FRMD4B: variants seen among roughly 807,000 people sequenced by gnomAD.
The protein encoded by FRMD4B is FERM domain containing 4B.
FRMD4B carries 74 observed loss-of-function variants against 141.5 expected under a neutral mutation model. The observed-to-expected ratio is 0.52, with a 90% confidence interval of 0.43 to 0.63. The LOEUF is 0.63. Ranked by LOEUF, FRMD4B falls within the 30% of genes least tolerant of loss-of-function variation. FRMD4B has a pLI of 0.00. For synonymous variants in FRMD4B, 506 were observed against 467.9 expected (o/e 1.08, Z -1.05); for missense variants, 1,366 against 1,253.4 (o/e 1.09, Z -1.36).
At chr3:69,532,836 T>C (rs892985941) in intron 1 of FRMD4B, among the ~76,000 whole-genome samples, 3 of 152,148 alleles carry the variant, frequency 2.0e-5, no homozygotes, top group Non-Finnish European at 4.4e-5. Flanking sequence ...CATTGTTGGG[T>C]CCCCCACTGA....
At chr3:69,452,150 A>G (rs1705511483) in intron 1 of FRMD4B, among the ~76,000 whole-genome samples, 1 of 152,280 alleles carries the variant, frequency 6.6e-6, no homozygotes, top group African/African-American at 2.4e-5. Flanking sequence ...ATTATTTACT[A>G]AGTGCCAGCC....
At chr3:69,275,104 T>G (rs963413684) in intron 5 of FRMD4B, among the ~76,000 whole-genome samples, 1 of 152,178 alleles carries the variant, frequency 6.6e-6, no homozygotes, top group Non-Finnish European at 1.5e-5. Context: ...GTAACAAAAC[T>G]GATTTCAACC....
At chr3:69,460,126 A>C in intron 1 of FRMD4B, among the ~76,000 whole-genome samples, 1 of 152,142 alleles carries the variant, frequency 6.6e-6, no homozygotes, top group East Asian at 1.9e-4. Context: ...TCCATCACAC[A>C]TGTCTATCAA....
intron 5 of FRMD4B, among the ~76,000 whole-genome samples, chr3:69,263,975 A>C (rs11706974): frequency 0.21 from 31,500 of 150,426 alleles, 3,509 homozygotes; most frequent in Non-Finnish European, 0.25. Flanking sequence ...ACAGGCACAC[A>C]CCCCCAAGCC....
intron 13 of FRMD4B, 185 bp from the exon 14 acceptor site, chr3:69,196,581 T>A: frequency 1.7e-6 from 1 of 596,248 alleles, no homozygotes. Context: ...TTAAAATGTT[T>A]TAATAACTAT....
Position 69,273,875 on chromosome 3 carries a change from T to C in FRMD4B, c.501+13877A>G, listed in dbSNP as rs142974112. Among the ~76,000 whole-genome samples, 23 of 150,490 alleles carry C rather than the reference T, an allele frequency of 1.5e-4. No homozygotes were observed. In the East Asian group the frequency reaches 4.5e-3, roughly 29 times the overall value. On this transcript the variant is annotated intron_variant, in intron 5 of 22. Transcript: ENST00000398540. ...AAGTATTTAAAGGGTGTTTTGGAGG[T>C]TGAAAGAATTTAACTCCCTGTAGGA...
At chr3:69,480,058 C>T (rs942370899) in intron 1 of FRMD4B, among the ~76,000 whole-genome samples, 1 of 152,202 alleles carries the variant, frequency 6.6e-6, no homozygotes, top group Non-Finnish European at 1.5e-5. Context: ...TCAGGTCCAT[C>T]AGCTCCTTTA....
intron 5 of FRMD4B, among the ~76,000 whole-genome samples, chr3:69,271,515 G>A (rs1247244259): frequency 6.6e-6 from 1 of 152,160 alleles, no homozygotes; most frequent in African/African-American, 2.4e-5. Context: ...GGTATAACGA[G>A]CTATTATTAG....
At chr3:69,389,586 TACTGACATAAAC>T (rs1704338061), upstream of FRMD4B, among the ~76,000 whole-genome samples, 1 of 152,236 alleles carries the variant, frequency 6.6e-6, no homozygotes. Flanking sequence ...ATCTTATTTC[TACTGACATAAAC>T]ACTGATGCTT....
chr3:69,326,232 T>C (rs755204083), intron 1 of FRMD4B, among the ~76,000 whole-genome samples: 1 of 151,814 alleles, frequency 6.6e-6, no homozygotes, highest in Non-Finnish European at 1.5e-5. Flanking sequence ...GCTGGGATTA[T>C]AGGCATAAGC....
At chr3:69,332,638 G>A (rs187431961) in intron 1 of FRMD4B, among the ~76,000 whole-genome samples, 10 of 151,908 alleles carry the variant, frequency 6.6e-5, no homozygotes, top group Admixed American at 5.9e-4. Flanking sequence ...GTGCAGTGGC[G>A]TGATCATGAC....
intron 1 of FRMD4B, among the ~76,000 whole-genome samples, chr3:69,484,850 C>T (rs1706186730): frequency 6.6e-6 from 1 of 152,106 alleles, no homozygotes; most frequent in African/African-American, 2.4e-5. Context: ...GAAGTATGTG[C>T]TAACTCGTCC....
intron 2 of FRMD4B, among the ~76,000 whole-genome samples, chr3:69,417,239 C>A (rs1219270131): frequency 2.0e-5 from 3 of 152,190 alleles, no homozygotes; most frequent in African/African-American, 7.2e-5. Context: ...TTAACGATCA[C>A]CATTCTAACT....
intron 1 of FRMD4B, among the ~76,000 whole-genome samples, chr3:69,487,648 T>TG (rs1263271063): frequency 6.6e-6 from 1 of 152,210 alleles, no homozygotes; most frequent in Non-Finnish European, 1.5e-5. Flanking sequence ...CTCTTCTGTT[T>TG]GGGGCCTTTG....
intron 1 of FRMD4B, among the ~76,000 whole-genome samples, chr3:69,367,058 T>C (rs1444340955): frequency 6.6e-6 from 1 of 152,054 alleles, no homozygotes; most frequent in Non-Finnish European, 1.5e-5. Flanking sequence ...TGAGCCACCG[T>C]GCCAAGTGAA....
chr3:69,379,284 A>G (rs1214132301), intron 1 of FRMD4B, among the ~76,000 whole-genome samples: 1 of 152,068 alleles, frequency 6.6e-6, no homozygotes, highest in East Asian at 1.9e-4. Flanking sequence ...GTAATTATAT[A>G]TATATATTTT....
chr3:69,414,532 T>G (rs1053135297), intron 2 of FRMD4B, among the ~76,000 whole-genome samples: 8 of 152,230 alleles, frequency 5.3e-5, no homozygotes, highest in African/African-American at 1.7e-4. Flanking sequence ...GCAGAAAAAG[T>G]CAATGGTAAT....
At chr3:69,211,745 C>G (rs933881581) in intron 11 of FRMD4B, among the ~76,000 whole-genome samples, 2 of 152,174 alleles carry the variant, frequency 1.3e-5, no homozygotes, top group Non-Finnish European at 2.9e-5. Context: ...TACAGTTTGC[C>G]AATTTGACCT....
intron 7 of FRMD4B, among the ~76,000 whole-genome samples, chr3:69,241,239 C>T (rs2093380437): frequency 6.6e-6 from 1 of 152,080 alleles, no homozygotes; most frequent in Non-Finnish European, 1.5e-5. Flanking sequence ...AATACTTAAG[C>T]TGTGAAATGC....
Sources: allele counts gnomAD v4.1 joint callset (sites outside exome capture counted in the v4.1 genomes callset), GRCh38; gene constraint gnomAD v4.1.1; transcripts MANE v1.5; gene names NCBI Gene and HGNC (gene_info 2026-07-23, HGNC 2026-07-21).